NT5C2: variants seen among roughly 807,000 people sequenced by gnomAD.
The protein encoded by NT5C2 is cytosolic purine 5'-nucleotidase.
Under a neutral mutation model 76.1 loss-of-function variants are expected in NT5C2, and 58 were observed. That is an observed-to-expected ratio of 0.76 (90% confidence interval 0.62 to 0.95). The LOEUF (loss-of-function observed/expected upper bound fraction) is 0.95. Ranked by LOEUF, NT5C2 falls within the 40% of genes least tolerant of loss-of-function variation. The pLI is 0.00. For synonymous variants in NT5C2, 229 were observed against 237.4 expected (o/e 0.96, Z 0.32); for missense variants, 478 against 690.3 (o/e 0.69, Z 3.45).
At chr10:103,139,751 T>C (rs867299374) in intron 3 of NT5C2, among the ~76,000 whole-genome samples, 1 of 152,230 alleles carries the variant, frequency 6.6e-6, no homozygotes, top group Non-Finnish European at 1.5e-5. Flanking sequence ...TTCTTGTTTA[T>C]TGTGGTACAA....
chr10:103,090,523 C>CAAACT lies in NT5C2; in HGVS notation c.1449+83_1449+87dup, dbSNP rs2066491468. 20 of 1,214,614 alleles carry CAAACT rather than the reference C, an allele frequency of 1.6e-5. No individual in the cohort carries two copies. The South Asian group carries it at 2.7e-4, about 16-fold the overall frequency. 75.2% of individuals were successfully genotyped at this position (1,214,614 alleles called of 1,614,324 possible). A position where few individuals can be genotyped will look rare whatever the true frequency, so the allele number is the denominator to read the frequency against. The stretch of plus-strand genomic sequence containing the variant: ...GCTCTGTACATCAGAAAGAAATGTT[C>CAAACT]AAACTATCTCCTGTGCCATCTCACA... On this transcript the variant is annotated intron_variant, in intron 18 of 18. Coordinates refer to ENST00000404739, the MANE Select transcript of NT5C2 (RefSeq NM_001351169.2).
chr10:103,146,462 T>C (rs2081499704), intron 3 of NT5C2: 2 of 984,932 alleles, frequency 2.0e-6, no homozygotes, highest in South Asian at 4.7e-5. Context: ...CATTGAAAAT[T>C]TGCTACAATC....
chr10:103,103,457 C>T (rs2070347441), intron 6 of NT5C2, among the ~76,000 whole-genome samples: 1 of 152,180 alleles, frequency 6.6e-6, no homozygotes, highest in South Asian at 2.1e-4. Context: ...CCTATTCCCT[C>T]CATCATTAAA....
intron 4 of NT5C2, among the ~76,000 whole-genome samples, chr10:103,113,870 A>G (rs550188438): frequency 4.6e-5 from 7 of 152,346 alleles, no homozygotes; most frequent in Admixed American, 4.6e-4. Context: ...CCAATTTCTC[A>G]AGGTACTATA....
At chr10:103,148,037 T>C (rs1651589617) in intron 3 of NT5C2, among the ~76,000 whole-genome samples, 1 of 152,226 alleles carries the variant, frequency 6.6e-6, no homozygotes, top group Non-Finnish European at 1.5e-5. Flanking sequence ...TCTGCCATTA[T>C]GTCTCCATCC....
intron 4 of NT5C2, among the ~76,000 whole-genome samples, chr10:103,114,542 A>C (rs2073893139): frequency 6.6e-6 from 1 of 152,226 alleles, no homozygotes; most frequent in South Asian, 2.1e-4. Context: ...TCTAGCCTAT[A>C]CTTTAGGTCA....
chr10:103,091,094 G>T, intron 16 of NT5C2, 98 bp from the exon 17 acceptor site: 1 of 1,064,254 alleles, frequency 9.4e-7, no homozygotes, highest in Non-Finnish European at 1.4e-6. Flanking sequence ...GAGTGCAGGG[G>T]TGTGATCGCG....
intron 1 of NT5C2, among the ~76,000 whole-genome samples, chr10:103,183,289 A>T (rs1032876453): frequency 8.7e-6 from 1 of 115,276 alleles, no homozygotes; most frequent in African/African-American, 3.0e-5. Context: ...ATATATATAT[A>T]TATATCACAC....
intron 6 of NT5C2, chr10:103,105,319 A>G (rs541625643): frequency 4.8e-6 from 3 of 622,362 alleles, no homozygotes; most frequent in South Asian, 3.3e-5. Flanking sequence ...TTAAATTGCT[A>G]TAGTTTAAAA....
chr10:103,183,079 T>A (rs1293175097), intron 1 of NT5C2, among the ~76,000 whole-genome samples: 1 of 152,022 alleles, frequency 6.6e-6, no homozygotes, highest in African/African-American at 2.4e-5. Flanking sequence ...GATGCAAGTT[T>A]ACTTTAATTC....
chr10:103,097,471 G>T, intron 10 of NT5C2, 97 bp from the exon 11 acceptor site: 1 of 1,011,670 alleles, frequency 9.9e-7, no homozygotes, highest in South Asian at 1.4e-5. Flanking sequence ...AACAGGAATG[G>T]GGGAACCTTT....
intron 1 of NT5C2, among the ~76,000 whole-genome samples, chr10:103,185,651 A>G (rs1242580109): frequency 6.8e-6 from 1 of 147,062 alleles, no homozygotes; most frequent in Non-Finnish European, 1.5e-5. Flanking sequence ...CCTGTCTCCA[A>G]AAAAAAAAAA....
intron 4 of NT5C2, among the ~76,000 whole-genome samples, chr10:103,139,102 A>T (rs1044908184): frequency 1.3e-5 from 2 of 152,212 alleles, no homozygotes; most frequent in African/African-American, 4.8e-5. Context: ...GCTAAGAGTA[A>T]AAGTCAAAAA....
At chr10:103,170,518 C>T (rs1202857910) in intron 3 of NT5C2, among the ~76,000 whole-genome samples, 1 of 147,598 alleles carries the variant, frequency 6.8e-6, no homozygotes, top group African/African-American at 2.5e-5. Flanking sequence ...AGCACACACA[C>T]ATGCACACTT....
intron 4 of NT5C2, among the ~76,000 whole-genome samples, chr10:103,109,456 A>G (rs2072346588): frequency 6.6e-6 from 1 of 152,144 alleles, no homozygotes; most frequent in Non-Finnish European, 1.5e-5. Context: ...TTTTAGTACA[A>G]TCTCCATAAA....
rs747393327 is a variant in NT5C2, at chr10:103,091,569, G to C, written c.1206C>G (p.Leu402=). 3.1e-6 allele frequency: 5 copies of C among 1,612,312 alleles called. No homozygotes were observed. In the African/African-American group the frequency reaches 5.3e-5, roughly 17 times the overall value. Residue 402 remains leucine (L), a synonymous_variant, in exon 16 of 19, where the codon CTC becomes CTG. Coordinates refer to ENST00000404739, the MANE Select transcript of NT5C2 (RefSeq NM_001351169.2). ...LQSLDIFLAE[L]YKHLDSSSNE... Reference sequence around the variant, plus strand: ...GAAATTTTTAGAAAACTTACTTGTAGAGTTCAGCCAAGAAAATATCCAAGC... The same window carrying C: ...GAAATTTTTAGAAAACTTACTTGTACAGTTCAGCCAAGAAAATATCCAAGC...
In NT5C2 at chr10:103,093,157, C is replaced by A; in HGVS notation, c.1141G>T (p.Val381Phe). 6.2e-7 allele frequency: 1 copy of A among 1,606,570 alleles called. No individual in the cohort carries two copies. The highest frequency in any genetic ancestry group is 8.5e-7 in the Non-Finnish European group (1 of 1,177,018). ...VIPELAQELH[V>F]WTDKSSLFEE... ...GGCTTACAACTCTTGTCAGTCCAGACATGTAGCTCCTGTGCGAGTTCAGGA... is the reference window on the plus strand; with the variant it reads ...GGCTTACAACTCTTGTCAGTCCAGAAATGTAGCTCCTGTGCGAGTTCAGGA... Residue 381 changes from valine (V) to phenylalanine (F), a missense_variant, in exon 15 of 19, where the codon GTC (valine) becomes TTC (phenylalanine). By Grantham distance (50) the Val-to-Phe change is conservative (BLOSUM62 -1). Coordinates refer to ENST00000404739, the MANE Select transcript of NT5C2 (RefSeq NM_001351169.2).
At chr10:103,146,923 T>G (rs2081570344) in intron 3 of NT5C2, among the ~76,000 whole-genome samples, 2 of 152,258 alleles carry the variant, frequency 1.3e-5, no homozygotes, top group South Asian at 4.1e-4. Context: ...TATGAACATT[T>G]GTTGCTAACC....
chr10:103,159,893 T>C (rs1458329165), intron 3 of NT5C2, among the ~76,000 whole-genome samples: 1 of 152,148 alleles, frequency 6.6e-6, no homozygotes, highest in Non-Finnish European at 1.5e-5. Flanking sequence ...GGCTTTTTTA[T>C]ATAAATTGAC....
Sources: gnomAD v4.1 joint callset for allele counts (sites outside exome capture counted in the v4.1 genomes callset) on GRCh38, gnomAD v4.1.1 for gene constraint, MANE v1.5 for transcripts, NCBI Gene and HGNC (gene_info 2026-07-23, HGNC 2026-07-21) for gene names.